The following CCDC181 variants were observed in gnomAD, a reference collection of about 807,000 sequenced individuals.
CCDC181 encodes the protein coiled-coil domain containing 181.
In CCDC181, 35 loss-of-function variants were observed where a neutral mutation model predicts 58.7. That is an observed-to-expected ratio of 0.60 (90% CI 0.46 to 0.79). CCDC181 has a LOEUF of 0.79. CCDC181 is among the 30% of genes least tolerant of loss of function. The pLI is 0.00. For missense variants in CCDC181, 517 were observed against 583.9 expected (o/e 0.89, Z 1.18); for synonymous variants, 183 against 197.5 (o/e 0.93, Z 0.62).
chr1:169,434,873 T>C (rs1657013275), intron 2 of CCDC181, among the ~76,000 whole-genome samples: 1 of 152,008 alleles, frequency 6.6e-6, no homozygotes, highest in Admixed American at 6.6e-5. Flanking sequence ...TCCACTTATA[T>C]AAAGTGCCCA....
intron 2 of CCDC181, among the ~76,000 whole-genome samples, chr1:169,454,986 CTA>C (rs1235814778): frequency 4.0e-5 from 6 of 151,870 alleles, no homozygotes; most frequent in Non-Finnish European, 8.8e-5. Context: ...TAATTATTCT[CTA>C]AAATTTATAA....
chr1:169,436,304 A>G (rs1261250300), intron 2 of CCDC181, among the ~76,000 whole-genome samples: 4 of 152,194 alleles, frequency 2.6e-5, no homozygotes, highest in African/African-American at 7.2e-5. Flanking sequence ...TTCAGTGGAA[A>G]CTTTCGTTCA....
At position 169,409,973 on chromosome 1, in the gene CCDC181, T is replaced by A. The variant is rs547728156; in HGVS notation, c.1215+9040A>T. On this transcript the variant is annotated intron_variant, in intron 4 of 5. Transcript: ENST00000367806. ...CCATTGACACTATGAAGAAACTGCA[T>A]CAACTAACAGGCAAAATAACCAACT... 6.6e-4 allele frequency among the ~76,000 whole-genome samples: 101 copies of A among 152,206 alleles called. No homozygotes were observed. In the Middle Eastern group the frequency reaches 0.01, roughly 15 times the overall value.
chr1:169,430,876 G>A (rs1656901456), upstream of CCDC181, among the ~76,000 whole-genome samples: 2 of 152,142 alleles, frequency 1.3e-5, no homozygotes, highest in African/African-American at 2.4e-5. Flanking sequence ...TAAATGAAGT[G>A]GTGGCCCGCA....
At chr1:169,411,243 TATA>T (rs1166991912) in intron 4 of CCDC181, among the ~76,000 whole-genome samples, 4 of 152,038 alleles carry the variant, frequency 2.6e-5, no homozygotes, top group African/African-American at 9.7e-5. Flanking sequence ...ACTACCATCA[TATA>T]ATAGTATAAA....
At chr1:169,445,102 G>C (rs1377415768) in intron 2 of CCDC181, among the ~76,000 whole-genome samples, 1 of 152,092 alleles carries the variant, frequency 6.6e-6, no homozygotes, top group Non-Finnish European at 1.5e-5. Context: ...AGTATAACAA[G>C]GTCTTTCCCA....
intron 3 of CCDC181, 88 bp downstream of exon 3, chr1:169,421,275 G>T: frequency 9.8e-7 from 1 of 1,025,288 alleles, no homozygotes; most frequent in Non-Finnish European, 1.4e-6. Context: ...AGTCTCCAAT[G>T]GTTTGAACAA....
chr1:169,424,367 T>C (rs1004137363), intron 2 of CCDC181, among the ~76,000 whole-genome samples: 3 of 151,876 alleles, frequency 2.0e-5, no homozygotes, highest in Non-Finnish European at 4.4e-5. Flanking sequence ...GCTAATTCAG[T>C]CTTAAAGTTT....
chr1:169,422,498 G>A (rs953894665), intron 2 of CCDC181, among the ~76,000 whole-genome samples, 185 bp from the exon 3 acceptor site: 19 of 152,086 alleles, frequency 1.2e-4, no homozygotes, highest in African/African-American at 3.9e-4. Flanking sequence ...TAATGTGACA[G>A]CAATGCAGGA....
intron 1 of CCDC181, chr1:169,460,169 T>G (rs1657804890): frequency 6.6e-6 from 1 of 152,170 alleles, no homozygotes; most frequent in East Asian, 1.9e-4. Context: ...ATAAACTATT[T>G]CAGTGGGTGA....
At chr1:169,426,380 G>A (rs1245041339) in intron 1 of CCDC181, among the ~76,000 whole-genome samples, 1 of 152,128 alleles carries the variant, frequency 6.6e-6, no homozygotes, top group Non-Finnish European at 1.5e-5. Context: ...ATGCTTGTGA[G>A]TTTCACACAT....
chr1:169,443,335 A>C (rs1391659546), intron 2 of CCDC181: 1 of 152,108 alleles, frequency 6.6e-6, no homozygotes, highest in African/African-American at 2.4e-5. Flanking sequence ...ATAAGGCAAA[A>C]GTTTAAAGGG....
chr1:169,395,004 A>T lies in CCDC181; in HGVS notation c.*43T>A, dbSNP rs75044225. 1,702 of 1,527,336 alleles carry T rather than the reference A, an allele frequency of 1.1e-3. 30 individuals carry two copies. The Admixed American group carries it at 0.026, about 24-fold the overall frequency. The allele number at this position is 1,527,336 out of a possible 1,614,324, so 94.6% of individuals were successfully genotyped here. On this transcript the variant is annotated 3_prime_UTR_variant, in exon 6 of 6. Coordinates refer to ENST00000367806, the MANE Select transcript of CCDC181 (RefSeq NM_001300969.2). ...ACAGACCCTAAGAAATCATATCCAA[A>T]ATTTTGATAGCAGCTGCCCACTGAA... is the stretch of plus-strand genomic sequence containing the variant.
chr1:169,396,071 C>T (rs1445303298), intron 5 of CCDC181: 5 of 151,966 alleles, frequency 3.3e-5, no homozygotes, highest in Non-Finnish European at 7.4e-5. Flanking sequence ...TAATGAAAAG[C>T]AGATTGCAGA....
intron 2 of CCDC181, among the ~76,000 whole-genome samples, chr1:169,423,539 A>T (rs1461950565): frequency 6.6e-6 from 1 of 152,006 alleles, no homozygotes; most frequent in Non-Finnish European, 1.5e-5. Context: ...TCAAAAGAAG[A>T]GGTTGTTATA....
intron 2 of CCDC181, among the ~76,000 whole-genome samples, chr1:169,432,718 T>G (rs1656953570): frequency 6.6e-6 from 1 of 152,086 alleles, no homozygotes; most frequent in Non-Finnish European, 1.5e-5. Flanking sequence ...CGATGCAGTA[T>G]TCTACATTAA....
chr1:169,434,668 AAATAAT>A (rs139344096), intron 2 of CCDC181, among the ~76,000 whole-genome samples: 11,203 of 152,046 alleles, frequency 0.074, 1,528 homozygotes, highest in East Asian at 0.66. Flanking sequence ...ACGCTAGGTA[AAATAAT>A]AATAAAGCCA....
chr1:169,427,856 G>C (rs1214364788), upstream of CCDC181, among the ~76,000 whole-genome samples: 2 of 152,110 alleles, frequency 1.3e-5, no homozygotes, highest in Non-Finnish European at 2.9e-5. Flanking sequence ...TTACCCAAGA[G>C]AGTTGCCAAA....
chr1:169,450,048 A>C (rs908945651), intron 2 of CCDC181, among the ~76,000 whole-genome samples: 1 of 152,188 alleles, frequency 6.6e-6, no homozygotes, highest in Non-Finnish European at 1.5e-5. Flanking sequence ...AAGTATGAAG[A>C]GAATCATTCA....
Sources: gnomAD v4.1 joint callset for allele counts (sites outside exome capture counted in the v4.1 genomes callset) on GRCh38, gnomAD v4.1.1 for gene constraint, MANE v1.5 for transcripts, NCBI Gene and HGNC (gene_info 2026-07-23, HGNC 2026-07-21) for gene names.